The following SNRPN variants were observed in gnomAD, a reference collection of about 807,000 sequenced individuals.
SNRPN encodes the protein small nuclear ribonucleoprotein polypeptide N, also known as small nuclear ribonucleoprotein-associated protein N.
Under a neutral mutation model 25.2 loss-of-function variants are expected in SNRPN, and 7 were observed. The observed-to-expected ratio is 0.28, with a 90% CI of 0.16 to 0.52. The LOEUF (loss-of-function observed/expected upper bound fraction) is 0.52, where lower values mean the gene tolerates loss of function less well. SNRPN is among the 20% of genes least tolerant of loss of function. The probability of loss-of-function intolerance (pLI) is 0.96; values close to 1 mark genes in which losing one functional copy is unlikely to be tolerated. For missense variants in SNRPN, 196 were observed against 322.5 expected (o/e 0.61, Z 3.00); for synonymous variants, 124 against 110.6 (o/e 1.12, Z -0.76).
At chr15:24,836,071 C>CG (rs1044527636) in intron 2 of SNRPN, among the ~76,000 whole-genome samples, 1 of 152,020 alleles carries the variant, frequency 6.6e-6, no homozygotes, top group Admixed American at 6.6e-5. Context: ...TTCTAGAGGC[C>CG]GGCAAGGTTG....
chr15:24,895,801 A>G (rs2058051018), intron 2 of SNRPN, among the ~76,000 whole-genome samples: 2 of 152,154 alleles, frequency 1.3e-5, no homozygotes, highest in African/African-American at 4.8e-5. Flanking sequence ...GCCTTCCTGA[A>G]TATCCTTTGC....
At chr15:24,918,933 GCGCA>G (rs1303580827) in intron 2 of SNRPN, among the ~76,000 whole-genome samples, 1 of 70,168 alleles carries the variant, frequency 1.4e-5, no homozygotes, top group African/African-American at 6.8e-5. Flanking sequence ...ATATATATAT[GCGCA>G]CATATATATA....
At chr15:24,916,855 CA>C (rs1469017561) in intron 2 of SNRPN, among the ~76,000 whole-genome samples, 8 of 152,194 alleles carry the variant, frequency 5.3e-5, no homozygotes, top group Non-Finnish European at 8.8e-5. Context: ...TTAAAGGTGG[CA>C]CAGACCCAAG....
chr15:24,825,752 C>T (rs1048441896), intron 1 of SNRPN, among the ~76,000 whole-genome samples: 2 of 151,998 alleles, frequency 1.3e-5, no homozygotes, highest in African/African-American at 2.4e-5. Context: ...TGTTAAATAT[C>T]TCATGTAACT....
intron 2 of SNRPN, among the ~76,000 whole-genome samples, chr15:24,841,363 C>A (rs994083520): frequency 1.3e-5 from 2 of 151,954 alleles, no homozygotes; most frequent in Admixed American, 1.3e-4. Flanking sequence ...GGGTGGGAAC[C>A]AGAGCCACCT....
intron 2 of SNRPN, among the ~76,000 whole-genome samples, chr15:24,843,151 G>A (rs768577757): frequency 2.2e-4 from 33 of 151,996 alleles, no homozygotes; most frequent in Non-Finnish European, 4.6e-4. Context: ...TCGGCTCACT[G>A]CAACCTCCAC....
chr15:24,869,078 G>A (rs946609270), intron 1 of SNRPN, among the ~76,000 whole-genome samples: 11 of 152,186 alleles, frequency 7.2e-5, no homozygotes, highest in Non-Finnish European at 1.5e-4. Flanking sequence ...CCGGGAGGTC[G>A]AGGCTAAAGT....
chr15:24,863,980 A>G (rs1411323211), intron 1 of SNRPN, among the ~76,000 whole-genome samples: 1 of 146,698 alleles, frequency 6.8e-6, no homozygotes, highest in African/African-American at 2.6e-5. Flanking sequence ...CGATTTTTAG[A>G]TGTTTTTTCT....
intron 1 of SNRPN, among the ~76,000 whole-genome samples, chr15:24,829,526 T>G (rs146167240): frequency 6.6e-6 from 1 of 151,934 alleles, no homozygotes; most frequent in Non-Finnish European, 1.5e-5. Context: ...GGACTGGGCA[T>G]GGGGGTGAGG....
chr15:24,861,114 CATAA>C (rs1407842198), intron 1 of SNRPN, among the ~76,000 whole-genome samples: 1 of 152,080 alleles, frequency 6.6e-6, no homozygotes, highest in Non-Finnish European at 1.5e-5. Flanking sequence ...ATCTCAAAAG[CATAA>C]ATAAATAAAA....
At position 24,976,324 on chromosome 15, in the gene SNRPN, C is replaced by G; in HGVS notation, c.175C>G (p.Pro59Ala). 1 of 1,613,556 alleles carries G rather than the reference C, an allele frequency of 6.2e-7. No individual in the cohort carries two copies. The highest frequency in any genetic ancestry group is 8.5e-7 in the Non-Finnish European group (1 of 1,179,820). Residue 59 changes from proline (P) to alanine (A), a missense_variant, in exon 6 of 10, where the codon CCA (proline) becomes GCA (alanine). By Grantham distance (27) the Pro-to-Ala change is conservative (BLOSUM62 -1). Coordinates refer to ENST00000390687, the MANE Select transcript of SNRPN (RefSeq NM_003097.6). ...RKIKPKNAKQ[P>A]EREEKRVLGL... is the part of the protein sequence containing the mutation. ...TTGTAGGCCAAAGAATGCGAAGCAA[C>G]CAGAGCGTGAAGAAAAGCGGGTTTT...
rs1046666104 is a variant in SNRPN, at chr15:24,832,815, G to T, written c.-579+2910G>T. Among the ~76,000 whole-genome samples the T allele has an allele frequency of 4.6e-5, 7 of 152,068 alleles. No individual in the cohort carries two copies. The South Asian group carries it at 6.2e-4, about 14-fold the overall frequency. ...CAGATGATGAACGTAGAACTCAAAAGATGATGGAGGCCGGGCGCGGTGGCT... is the reference window on the plus strand; with the variant it reads ...CAGATGATGAACGTAGAACTCAAAATATGATGGAGGCCGGGCGCGGTGGCT... On this transcript the variant is annotated intron_variant, in intron 2 of 12. Transcript: ENST00000400100.
chr15:24,882,565 G>T (rs552202746), intron 1 of SNRPN, among the ~76,000 whole-genome samples: 1 of 152,006 alleles, frequency 6.6e-6, no homozygotes, highest in Non-Finnish European at 1.5e-5. Context: ...GGTGGCTTAC[G>T]CCTGTAATTC....
intron 2 of SNRPN, among the ~76,000 whole-genome samples, chr15:24,894,249 C>T (rs950848593): frequency 9.2e-5 from 14 of 151,452 alleles, no homozygotes; most frequent in African/African-American, 1.9e-4. Context: ...GACGGAGTCT[C>T]GCTCTGTCGC....
upstream of SNRPN, chr15:24,856,542 A>G (rs888763775): frequency 6.6e-6 from 1 of 152,278 alleles, no homozygotes; most frequent in Non-Finnish European, 1.5e-5. Flanking sequence ...GCGGGGCCAC[A>G]TCCACTGCAG....
intron 3 of SNRPN, among the ~76,000 whole-genome samples, chr15:24,941,145 T>A (rs923628689): frequency 6.6e-6 from 1 of 152,028 alleles, no homozygotes; most frequent in African/African-American, 2.4e-5. Flanking sequence ...CCTGGCTAAT[T>A]TTTGTATTTT....
At chr15:24,865,046 C>CTTT (rs35703226) in intron 1 of SNRPN, among the ~76,000 whole-genome samples, 2 of 133,036 alleles carry the variant, frequency 1.5e-5, no homozygotes, top group African/African-American at 2.8e-5. Context: ...GGAGACTGAG[C>CTTT]TTTTTTTTTT....
intron 1 of SNRPN, among the ~76,000 whole-genome samples, chr15:24,956,197 G>A (rs2062838011): frequency 6.6e-6 from 1 of 152,170 alleles, no homozygotes; most frequent in African/African-American, 2.4e-5. Context: ...GGTGATGCCT[G>A]GGGGTTACTT....
At chr15:24,928,407 T>C (rs904874327) in intron 3 of SNRPN, among the ~76,000 whole-genome samples, 39 of 152,000 alleles carry the variant, frequency 2.6e-4, no homozygotes, top group African/African-American at 9.4e-4. Flanking sequence ...AAAAAAAGAA[T>C]GAGATCTGGA....
Sources: gnomAD v4.1 joint callset for allele counts (sites outside exome capture counted in the v4.1 genomes callset) on GRCh38, gnomAD v4.1.1 for gene constraint, MANE v1.5 for transcripts, NCBI Gene and HGNC (gene_info 2026-07-23, HGNC 2026-07-21) for gene names.